GPHN: variants seen among roughly 807,000 people sequenced by gnomAD.
The protein encoded by GPHN is gephyrin.
In GPHN, 17 loss-of-function variants were observed where a neutral mutation model predicts 95.5. The ratio of observed to expected loss-of-function variants is 0.18; its 90% confidence interval spans 0.12 to 0.27. The LOEUF (loss-of-function observed/expected upper bound fraction) is 0.27, where lower values mean the gene tolerates loss of function less well. Among genes scored for constraint, GPHN ranks in the 10% least tolerant of loss-of-function variants. The probability of loss-of-function intolerance (pLI) is 1.00; values close to 1 mark genes in which losing one functional copy is unlikely to be tolerated. For missense variants in GPHN, 660 were observed against 978.1 expected (o/e 0.67, Z 4.34); for synonymous variants, 320 against 322.5 (o/e 0.99, Z 0.08).
chr14:66,741,170 T>C (rs1169446848), intron 2 of GPHN, among the ~76,000 whole-genome samples: 1 of 152,182 alleles, frequency 6.6e-6, no homozygotes, highest in Non-Finnish European at 1.5e-5. Context: ...AACACATGCT[T>C]TTTGGGGAAC....
chr14:66,922,910 A>G lies in GPHN; in HGVS notation c.701A>G (p.His234Arg), dbSNP rs779062085. The change falls in exon 7 of 23, where the codon CAT becomes CGT. Residue 234 changes from histidine to arginine, a missense_variant. Transcript: ENST00000478722. Reference protein sequence around the residue: ...VASTEDSSSSHITAAAIAAKK... With the variant: ...VASTEDSSSSRITAAAIAAKK... ...TCAACAGAAGATAGTTCCTCATCAC[A>G]TATAACTGCAGCAGCCATTGCTGCC... 3.7e-6 allele frequency: 6 copies of G among 1,613,186 alleles called. No homozygotes were observed. Among genetic ancestry groups the G allele is most frequent in the South Asian group, 2.2e-5 (2 of 91,072 alleles).
chr14:67,444,891 C>T, the GPHN span, among the ~76,000 whole-genome samples: 1 of 152,290 alleles, frequency 6.6e-6, no homozygotes, highest in Non-Finnish European at 1.5e-5. Context: ...TCCTGAGTAG[C>T]TGGGACTACA....
At chr14:67,221,705 A>T in the GPHN span, 3 of 1,579,266 alleles carry the variant, frequency 1.9e-6, no homozygotes, top group South Asian at 3.5e-5. Context: ...CGGTTATTTT[A>T]TATCTAGTAG....
intron 13 of GPHN, among the ~76,000 whole-genome samples, chr14:67,105,402 A>T (rs1188629236): frequency 2.0e-5 from 3 of 152,108 alleles, no homozygotes; most frequent in African/African-American, 7.2e-5. Context: ...TTTTCTATCT[A>T]TATGACTTGT....
chr14:67,708,948 A>C, the GPHN span, among the ~76,000 whole-genome samples: 1 of 152,010 alleles, frequency 6.6e-6, no homozygotes, highest in South Asian at 2.1e-4. Context: ...ATGCGCCACC[A>C]CACCCAGCTA....
chr14:66,925,861 C>T (rs1244607827), intron 8 of GPHN, among the ~76,000 whole-genome samples: 2 of 152,138 alleles, frequency 1.3e-5, no homozygotes, highest in Non-Finnish European at 2.9e-5. Context: ...ATTTACATTC[C>T]CACCAATAGC....
the GPHN span, among the ~76,000 whole-genome samples, chr14:67,460,844 T>C: frequency 6.6e-6 from 1 of 152,244 alleles, no homozygotes; most frequent in Non-Finnish European, 1.5e-5. Flanking sequence ...TTTACCTTTC[T>C]GGAATCCAAA....
chr14:66,776,288 A>G (rs2059380331), intron 2 of GPHN, among the ~76,000 whole-genome samples, 176 bp from the exon 3 acceptor site: 1 of 151,864 alleles, frequency 6.6e-6, no homozygotes, highest in Non-Finnish European at 1.5e-5. Flanking sequence ...TTCATTATCT[A>G]CCTCTTTTAA....
intron 1 of GPHN, among the ~76,000 whole-genome samples, chr14:66,545,558 G>A (rs2059540076): frequency 8.3e-6 from 1 of 120,990 alleles, no homozygotes; most frequent in African/African-American, 4.4e-5. Context: ...CCGGGCGGGG[G>A]GCTGACCCCC....
chr14:66,605,168 G>T (rs1042053465), intron 1 of GPHN, among the ~76,000 whole-genome samples: 6 of 152,078 alleles, frequency 3.9e-5, no homozygotes, highest in Admixed American at 3.9e-4. Context: ...ACATATCGGT[G>T]CATATGTCTT....
chr14:67,157,769 A>G (rs564435909), intron 18 of GPHN, among the ~76,000 whole-genome samples: 6 of 150,564 alleles, frequency 4.0e-5, no homozygotes, highest in Admixed American at 2.0e-4. Flanking sequence ...CGAAGGTCGC[A>G]GTGAGCCGAG....
At chr14:67,213,339 G>A in the GPHN span, among the ~76,000 whole-genome samples, 4 of 110,682 alleles carry the variant, frequency 3.6e-5, no homozygotes, top group East Asian at 5.6e-4. Context: ...AACAGTCCCT[G>A]GAGTGTGATG....
chr14:67,360,399 T>G, the GPHN span: 2 of 395,272 alleles, frequency 5.1e-6, no homozygotes, highest in African/African-American at 4.1e-5. Context: ...AAGTCTGGTC[T>G]CTGTGATTGA....
intron 8 of GPHN, among the ~76,000 whole-genome samples, chr14:66,959,387 T>C (rs908328322): frequency 2.0e-5 from 3 of 152,134 alleles, no homozygotes. Flanking sequence ...TCAGTCACAA[T>C]TACTATCTAG....
chr14:67,426,658 C>G, the GPHN span, among the ~76,000 whole-genome samples: 1 of 152,198 alleles, frequency 6.6e-6, no homozygotes, highest in African/African-American at 2.4e-5. Context: ...TCACCGCAAC[C>G]TCCGCCTCCT....
At chr14:67,474,090 A>G in the GPHN span, 6 of 870,886 alleles carry the variant, frequency 6.9e-6, no homozygotes, top group South Asian at 1.8e-5. Flanking sequence ...CGTCTCTACT[A>G]AAAATACAAA....
the GPHN span, among the ~76,000 whole-genome samples, chr14:67,667,124 G>A: frequency 3.3e-5 from 5 of 152,134 alleles, no homozygotes; most frequent in African/African-American, 1.2e-4. Flanking sequence ...GGGAAACTGG[G>A]TGGATGCTGA....
chr14:67,106,180 A>G (rs1338781804), intron 13 of GPHN, among the ~76,000 whole-genome samples: 1 of 152,118 alleles, frequency 6.6e-6, no homozygotes, highest in Non-Finnish European at 1.5e-5. Flanking sequence ...TAGTATTCAT[A>G]GTTAGAAATT....
intron 1 of GPHN, among the ~76,000 whole-genome samples, chr14:66,586,866 T>A (rs2061442517): frequency 6.6e-6 from 1 of 151,414 alleles, no homozygotes; most frequent in Non-Finnish European, 1.5e-5. Flanking sequence ...ACAATATAAA[T>A]CCCTAGTTTA....
Sources: gnomAD v4.1 joint callset for allele counts (sites outside exome capture counted in the v4.1 genomes callset) on GRCh38, gnomAD v4.1.1 for gene constraint, MANE v1.5 for transcripts, NCBI Gene and HGNC (gene_info 2026-07-23, HGNC 2026-07-21) for gene names.